Variants in KCNIP1 observed in about 807,000 individuals in gnomAD.
KCNIP1 encodes A-type potassium channel modulatory protein KCNIP1.
In KCNIP1, 18 loss-of-function variants were observed where a neutral mutation model predicts 33.0. That is an observed-to-expected ratio of 0.55 (90% CI 0.38 to 0.81). The LOEUF (loss-of-function observed/expected upper bound fraction) is 0.81, where lower values mean the gene tolerates loss of function less well. Ranked by LOEUF, KCNIP1 falls within the 30% of genes least tolerant of loss-of-function variation. The pLI is 0.00. For synonymous variants in KCNIP1, 93 were observed against 98.3 expected (o/e 0.95, Z 0.32); for missense variants, 238 against 271.6 (o/e 0.88, Z 0.87).
chr5:170,469,620 A>G (rs1252248473), intron 1 of KCNIP1, among the ~76,000 whole-genome samples: 1 of 152,092 alleles, frequency 6.6e-6, no homozygotes, highest in Non-Finnish European at 1.5e-5. Flanking sequence ...TTCTGAGGGC[A>G]CCAATGCCCT....
At chr5:170,558,382 T>C (rs1263165500) in intron 1 of KCNIP1, among the ~76,000 whole-genome samples, 1 of 152,164 alleles carries the variant, frequency 6.6e-6, no homozygotes, top group East Asian at 1.9e-4. Flanking sequence ...CAAAAGTAAA[T>C]AATTTAAGAG....
chr5:170,400,032 C>T (rs74728406), intron 1 of KCNIP1, among the ~76,000 whole-genome samples: 16,567 of 152,236 alleles, frequency 0.11, 1,154 homozygotes, highest in South Asian at 0.18. Context: ...TGAGCTCAGA[C>T]AGGTGCAGTG....
rs181212109 is a variant in KCNIP1 at position 170,586,022 on chromosome 5, A to G, written c.61+81389A>G. On this transcript the variant is annotated intron_variant, in intron 1 of 7. Coordinates refer to ENST00000328939, the MANE Select transcript of KCNIP1 (RefSeq NM_014592.4). ...TAGATGTATCTGCTTCCAAGTCCCA[A>G]CCTTCTGCCTCACTGCTGGGCAGGC... 2.2e-3 allele frequency among the ~76,000 whole-genome samples: 329 copies of G among 152,194 alleles called. 1 individual carries two copies. The highest frequency in any genetic ancestry group is 5.2e-3 in the South Asian group (25 of 4,822).
rs142417170 is a variant in KCNIP1 at position 170,629,309 on chromosome 5, G to C, written c.62-89449G>C. Among the ~76,000 whole-genome samples the C allele has an allele frequency of 5.3e-5, 8 of 152,314 alleles. No homozygotes were observed. In the East Asian group the frequency reaches 1.5e-3, roughly 29 times the overall value. ...GTTCATGCAGGGACCTCCTGGCCAAGGTCCTACGTCAAGGTTAGAAGGAAA... is the reference window on the plus strand; with the variant it reads ...GTTCATGCAGGGACCTCCTGGCCAACGTCCTACGTCAAGGTTAGAAGGAAA... On this transcript the variant is annotated intron_variant, in intron 1 of 7. Coordinates refer to ENST00000328939, the MANE Select transcript of KCNIP1 (RefSeq NM_014592.4).
chr5:170,713,914 C>T (rs1328890566), intron 1 of KCNIP1, among the ~76,000 whole-genome samples: 1 of 151,978 alleles, frequency 6.6e-6, no homozygotes, highest in Non-Finnish European at 1.5e-5. Context: ...ATCCCAGCTA[C>T]TCAGGAGGCT....
chr5:170,650,274 T>C (rs1388606265), intron 1 of KCNIP1, among the ~76,000 whole-genome samples: 1 of 152,190 alleles, frequency 6.6e-6, no homozygotes, highest in Non-Finnish European at 1.5e-5. Context: ...GATATGAATA[T>C]AACTATCACC....
chr5:170,356,043 TAGTG>T (rs1763338184), intron 1 of KCNIP1, among the ~76,000 whole-genome samples: 3 of 152,142 alleles, frequency 2.0e-5, no homozygotes, highest in Admixed American at 6.5e-5. Context: ...ATTTGTTAAA[TAGTG>T]AGGAACATGG....
At chr5:170,577,082 G>T (rs907168914) in intron 1 of KCNIP1, among the ~76,000 whole-genome samples, 1 of 152,328 alleles carries the variant, frequency 6.6e-6, no homozygotes, top group South Asian at 2.1e-4. Context: ...GAGGGTGACT[G>T]ACTTCCTGCT....
chr5:170,561,629 A>C (rs145196654), intron 1 of KCNIP1, among the ~76,000 whole-genome samples: 1 of 152,320 alleles, frequency 6.6e-6, no homozygotes, highest in Non-Finnish European at 1.5e-5. Flanking sequence ...CCTCCATTAG[A>C]CCAAGGGCTT....
At chr5:170,469,967 G>T (rs888036690) in intron 1 of KCNIP1, among the ~76,000 whole-genome samples, 2 of 152,132 alleles carry the variant, frequency 1.3e-5, no homozygotes, top group Non-Finnish European at 2.9e-5. Context: ...AGAGGTTCAC[G>T]TATTTCCTGG....
At chr5:170,461,694 G>T (rs1756503863) in intron 1 of KCNIP1, among the ~76,000 whole-genome samples, 2 of 151,572 alleles carry the variant, frequency 1.3e-5, no homozygotes, top group Non-Finnish European at 2.9e-5. Flanking sequence ...AGCTTGCAGT[G>T]AGCTGAGATA....
chr5:170,689,316 G>A (rs1224359070), intron 1 of KCNIP1, among the ~76,000 whole-genome samples: 1 of 152,182 alleles, frequency 6.6e-6, no homozygotes, highest in Non-Finnish European at 1.5e-5. Context: ...AGAGAGCCTT[G>A]CATTTGGAAT....
At chr5:170,637,741 C>T (rs1760346838) in intron 1 of KCNIP1, among the ~76,000 whole-genome samples, 1 of 152,108 alleles carries the variant, frequency 6.6e-6, no homozygotes, top group Non-Finnish European at 1.5e-5. Flanking sequence ...TCCTCCTGTT[C>T]GCGCTACATA....
intron 1 of KCNIP1, among the ~76,000 whole-genome samples, chr5:170,469,225 T>A (rs1233257864): frequency 1.3e-5 from 2 of 151,886 alleles, no homozygotes; most frequent in African/African-American, 4.8e-5. Flanking sequence ...TGAGACCCGA[T>A]CTGCAAAAAA....
chr5:170,367,700 C>T (rs1488854556), intron 1 of KCNIP1, among the ~76,000 whole-genome samples: 2 of 152,252 alleles, frequency 1.3e-5, no homozygotes, highest in African/African-American at 4.8e-5. Flanking sequence ...CCTTTCCACT[C>T]TCAGAACCGT....
intron 1 of KCNIP1, among the ~76,000 whole-genome samples, chr5:170,430,271 T>C (rs568070664): frequency 6.6e-6 from 1 of 152,344 alleles, no homozygotes; most frequent in East Asian, 1.9e-4. Flanking sequence ...TGCCAGTGCA[T>C]GCTGAAGGCC....
intron 1 of KCNIP1, among the ~76,000 whole-genome samples, chr5:170,593,722 C>T (rs1371391948): frequency 2.6e-5 from 4 of 152,132 alleles, no homozygotes; most frequent in Non-Finnish European, 5.9e-5. Context: ...CTGGGCAGGG[C>T]GGGGCTGGGG....
intron 1 of KCNIP1, among the ~76,000 whole-genome samples, chr5:170,718,339 G>C (rs553591051): frequency 6.6e-6 from 1 of 152,138 alleles, no homozygotes; most frequent in Admixed American, 6.5e-5. Flanking sequence ...AGAGTTTACT[G>C]TTTCTTTAAA....
At chr5:170,553,943 A>C (rs1756749267) in intron 1 of KCNIP1, among the ~76,000 whole-genome samples, 2 of 152,206 alleles carry the variant, frequency 1.3e-5, no homozygotes, top group African/African-American at 4.8e-5. Flanking sequence ...ATACAGGTGG[A>C]CAAGGCAGAA....
Sources: allele counts gnomAD v4.1 joint callset (sites outside exome capture counted in the v4.1 genomes callset), GRCh38; gene constraint gnomAD v4.1.1; transcripts MANE v1.5; gene names NCBI Gene and HGNC (gene_info 2026-07-23, HGNC 2026-07-21).